SRRM2: variants seen among roughly 807,000 people sequenced by gnomAD.
The protein encoded by SRRM2 is serine/arginine repetitive matrix protein 2.
Under a neutral mutation model 213.8 loss-of-function variants are expected in SRRM2, and 30 were observed. The ratio of observed to expected loss-of-function variants is 0.14; its 90% confidence interval spans 0.10 to 0.19. The LOEUF (loss-of-function observed/expected upper bound fraction) is 0.19. Ranked by LOEUF, SRRM2 falls within the 10% of genes least tolerant of loss-of-function variation. The probability of loss-of-function intolerance (pLI) is 1.00; values close to 1 mark genes in which losing one functional copy is unlikely to be tolerated. For synonymous variants in SRRM2, 2,025 were observed against 1,377.7 expected, an observed-to-expected ratio of 1.47 and a Z score of -10.40; for missense variants, 4,904 against 3,647.0, an observed-to-expected ratio of 1.34 and a Z score of -8.88.
intron 4 of SRRM2, 30 bp from the exon 5 acceptor site, chr16:2,758,440 C>T (rs1230691555): frequency 7.7e-6 from 12 of 1,555,618 alleles, no homozygotes; most frequent in Non-Finnish European, 1.1e-5. Flanking sequence ...GTTCTACCAC[C>T]CATCTCTGCT....
chr16:2,769,047 C>T lies in SRRM2; in HGVS notation c.7784C>T (p.Pro2595Leu), dbSNP rs1014455830. Reference protein sequence around the residue: ...APKEAVREGRPPEPTPAKRKR... With the variant: ...APKEAVREGRLPEPTPAKRKR... ...AAGGAGGCTGTTCGAGAGGGACGTC[C>T]TCCGGAGCCAACCCCAGCCAAACGG... The change falls in exon 12 of 15, where the codon CCT becomes CTT. Residue 2595 changes from proline (P) to leucine (L), a missense_variant. By Grantham distance (98) the Pro-to-Leu change is moderately conservative. Coordinates refer to ENST00000301740, the MANE Select transcript of SRRM2 (RefSeq NM_016333.4). 3 of 1,614,024 alleles carry T rather than the reference C, an allele frequency of 1.9e-6. No homozygotes were observed. In the African/African-American group the frequency reaches 4.0e-5, roughly 22 times the overall value.
At position 2,756,453 on chromosome 16, in the gene SRRM2, G is replaced by T; in HGVS notation, c.89G>T (p.Arg30Leu). 2 of 1,613,264 alleles carry T rather than the reference G, an allele frequency of 1.2e-6. No individual in the cohort carries two copies. The highest frequency in any genetic ancestry group is 1.7e-6 in the Non-Finnish European group (2 of 1,179,708). ...QRNLSLVRGR[R>L]GERPDYKGEE... is the part of the protein sequence containing the mutation. ...AACCTGTCCCTGGTGCGGGGCCGCCGGGGTGAGCGGCCTGACTACAAGGGA... is the reference window on the plus strand; with the variant it reads ...AACCTGTCCCTGGTGCGGGGCCGCCTGGGTGAGCGGCCTGACTACAAGGGA... Residue 30 changes from arginine to leucine, a missense_variant, in exon 2 of 15, where the codon CGG (arginine) becomes CTG (leucine). Coordinates refer to ENST00000301740, the MANE Select transcript of SRRM2 (RefSeq NM_016333.4).
intron 5 of SRRM2, 26 bp from the exon 6 acceptor site, chr16:2,758,959 G>T: frequency 6.2e-7 from 1 of 1,613,736 alleles, no homozygotes; most frequent in South Asian, 1.1e-5. Flanking sequence ...CAAGCAGGAT[G>T]AGCTTGCTTT....
rs139501890 is a variant in SRRM2 at position 2,767,980 on chromosome 16, G to A, written c.7452G>A (p.Thr2484=). 402 of 1,614,148 alleles carry A rather than the reference G, an allele frequency of 2.5e-4. 1 individual carries two copies. The highest frequency in any genetic ancestry group is 2.1e-3 in the South Asian group (189 of 91,078). The change falls in exon 11 of 15, where the codon ACG becomes ACA. Residue 2484 remains threonine (T), a synonymous_variant. Transcript: ENST00000301740. ...CCTCTGGGGCAGTGGCAACGACCAC[G>A]TCCTCTGCTGGTGATCACAATGGCA... The part of the protein sequence containing the change: ...SLSSGAVATT[T]SSAGDHNGML...
chr16:2,760,208 T>G, intron 9 of SRRM2, 93 bp from the exon 10 acceptor site: 1 of 1,287,980 alleles, frequency 7.8e-7, no homozygotes, highest in South Asian at 1.3e-5. Context: ...GTTGTCCAGT[T>G]AGGAAAGGTG....
rs774262246 is a variant in SRRM2 at position 2,760,377 on chromosome 16, G to T, written c.910G>T (p.Gly304Trp). Residue 304 changes from glycine (G) to tryptophan (W), a missense_variant, in exon 10 of 15, where the codon GGG (glycine) becomes TGG (tryptophan). By Grantham distance (184) the Gly-to-Trp change is radical. Coordinates refer to ENST00000301740, the MANE Select transcript of SRRM2 (RefSeq NM_016333.4). ...RSPSPASGRR[G>W]EGDAPFSEPG... ...TCCTTCCCCTGCTTCAGGGCGACGC[G>T]GGGAGGGAGATGCGCCTTTCAGTGA... is the stretch of plus-strand genomic sequence containing the variant. 50 of 1,613,950 alleles carry T rather than the reference G, an allele frequency of 3.1e-5. No homozygotes were observed. The Admixed American group carries it at 8.0e-4, about 26-fold the overall frequency.
chr16:2,762,687 G>A lies in SRRM2; in HGVS notation c.2159G>A (p.Arg720Lys). ...RGRSHSRTPQRRGRSGSSSER... is the reference protein window; with the variant it reads ...RGRSHSRTPQKRGRSGSSSER... ...AGATCTCACTCTAGAACACCTCAAA[G>A]AAGAGGCAGATCTGGCTCATCTTCA... is the stretch of plus-strand genomic sequence containing the variant. The change falls in exon 11 of 15, where the codon AGA becomes AAA. Residue 720 changes from arginine to lysine, a missense_variant. Coordinates refer to ENST00000301740, the MANE Select transcript of SRRM2 (RefSeq NM_016333.4). 1.2e-6 allele frequency: 2 copies of A among 1,614,190 alleles called. No homozygotes were observed. The highest frequency in any genetic ancestry group is 8.5e-7 in the Non-Finnish European group (1 of 1,180,034).
chr16:2,762,862 C>T lies in SRRM2; in HGVS notation c.2334C>T (p.Ser778=). 1 of 1,614,190 alleles carries T rather than the reference C, an allele frequency of 6.2e-7. No individual in the cohort carries two copies. Among genetic ancestry groups the T allele is most frequent in the South Asian group, 1.1e-5 (1 of 91,080 alleles). Residue 778 remains serine (S), a synonymous_variant, in exon 11 of 15, where the codon AGC becomes AGT. Coordinates refer to ENST00000301740, the MANE Select transcript of SRRM2 (RefSeq NM_016333.4). ...AATCTCGCTTGTCTTTGAGGCGCAG[C>T]CTTTCAGGGTCTTCCCCATGCCCTA... The part of the protein sequence containing the change: ...KAKSRLSLRR[S]LSGSSPCPKQ...
chr16:2,759,622 C>T lies in SRRM2; in HGVS notation c.794C>T (p.Ser265Phe), dbSNP rs1043274344. The change falls in exon 9 of 15, where the codon TCT (serine) becomes TTT (phenylalanine). Residue 265 changes from serine (S) to phenylalanine (F), a missense_variant. By Grantham distance (155) the Ser-to-Phe change is radical. Transcript: ENST00000301740. ...AGCCGCCGGGCCCACCGTTCAACTT[C>T]TGCTGACTCTGCTTCCTCCTCCGAT... Reference protein sequence around the residue: ...PKSRRAHRSTSADSASSSDTS... With the variant: ...PKSRRAHRSTFADSASSSDTS... 1 of 1,612,382 alleles carries T rather than the reference C, an allele frequency of 6.2e-7. No homozygotes were observed. The highest frequency in any genetic ancestry group is 8.5e-7 in the Non-Finnish European group (1 of 1,179,808).
chr16:2,769,941 G>A, intron 12 of SRRM2: 2 of 440,916 alleles, frequency 4.5e-6, no homozygotes, highest in South Asian at 1.7e-5. Context: ...TTCCTTGTCC[G>A]CCTGGTGAAC....
rs1425580973 is a variant in SRRM2 at position 2,765,427 on chromosome 16, C to T, written c.4899C>T (p.Pro1633=). The T allele has an allele frequency of 6.2e-7, 1 of 1,614,148 alleles. No homozygotes were observed. The highest frequency in any genetic ancestry group is 8.5e-7 in the Non-Finnish European group (1 of 1,180,024). The part of the protein sequence containing the change: ...EPKAPAPRAL[P]RRSRSGSSSK... The stretch of plus-strand genomic sequence containing the variant: ...AAGCTCCAGCCCCTCGGGCCCTTCC[C>T]AGACGAAGCAGATCAGGTTCATCAA... The change falls in exon 11 of 15, where the codon CCC becomes CCT. Residue 1633 remains proline, a synonymous_variant. Transcript: ENST00000301740.
Position 2,768,168 on chromosome 16 carries a change from C to T in SRRM2, c.7640C>T (p.Ser2547Leu), listed in dbSNP as rs1357916820. 17 of 1,613,108 alleles carry T rather than the reference C, an allele frequency of 1.1e-5. No homozygotes were observed. In the Admixed American group the frequency reaches 2.3e-4, roughly 22 times the overall value. ...SSSSSSSSSSSSSSSSSSSSG... is the reference protein window; with the variant it reads ...SSSSSSSSSSLSSSSSSSSSG... ...TCCTCTAGCTCCTCCTCTTCTTCATCATCGTCGTCGTCGTCCTCCTCCTCC... is the reference window on the plus strand; with the variant it reads ...TCCTCTAGCTCCTCCTCTTCTTCATTATCGTCGTCGTCGTCCTCCTCCTCC... Residue 2547 changes from serine (S) to leucine (L), a missense_variant, in exon 11 of 15, where the codon TCA becomes TTA. Transcript: ENST00000301740.
chr16:2,764,777 G>C lies in SRRM2; in HGVS notation c.4249G>C (p.Glu1417Gln). Residue 1417 changes from glutamate (E) to glutamine (Q), a missense_variant, in exon 11 of 15, where the codon GAA becomes CAA. Glu to Gln is a conservative substitution (Grantham distance 29). Transcript: ENST00000301740. ...LDAVPRTPSRERSSSASSPEM... is the reference protein window; with the variant it reads ...LDAVPRTPSRQRSSSASSPEM... ...TGCTGTACCCAGAACACCCTCGAGA[G>C]AAAGAAGTAGTTCTGCATCTTCTCC... 3.1e-6 allele frequency: 5 copies of C among 1,614,186 alleles called. No individual in the cohort carries two copies. The highest frequency in any genetic ancestry group is 4.2e-6 in the Non-Finnish European group (5 of 1,180,030).
rs1208982596 is a variant in SRRM2, at chr16:2,769,011, C to A, written c.7748C>A (p.Thr2583Asn). Residue 2583 changes from threonine (T) to asparagine (N), a missense_variant, in exon 12 of 15, where the codon ACC (threonine) becomes AAC (asparagine). Coordinates refer to ENST00000301740, the MANE Select transcript of SRRM2 (RefSeq NM_016333.4). Reference protein sequence around the residue: ...EVALKRVPSPTPAPKEAVREG... With the variant: ...EVALKRVPSPNPAPKEAVREG... ...TCCTCCCACAGGGTCCCCAGCCCCA[C>A]CCCAGCCCCAAAGGAGGCTGTTCGA... 6.2e-7 allele frequency: 1 copy of A among 1,613,782 alleles called. No individual in the cohort carries two copies. Among genetic ancestry groups the A allele is most frequent in the South Asian group, 1.1e-5 (1 of 91,042 alleles).
intron 1 of SRRM2, among the ~76,000 whole-genome samples, 183 bp from the exon 2 acceptor site, chr16:2,756,151 T>G (rs539695301): frequency 2.8e-4 from 43 of 152,228 alleles, no homozygotes; most frequent in Admixed American, 5.9e-4. Context: ...AAAGGAAATT[T>G]GGAAGGGCAA....
chr16:2,758,736 TCTG>T, intron 5 of SRRM2, 189 bp downstream of exon 5: 3 of 680,286 alleles, frequency 4.4e-6, no homozygotes, highest in Non-Finnish European at 7.4e-6. Context: ...AGTTTGCAGT[TCTG>T]CTAATTAAGA....
chr16:2,756,377 A>G lies in SRRM2; in HGVS notation c.13A>G (p.Ile5Val). The G allele has an allele frequency of 6.2e-7, 1 of 1,605,182 alleles. No homozygotes were observed. The highest frequency in any genetic ancestry group is 8.5e-7 in the Non-Finnish European group (1 of 1,177,400). Residue 5 changes from isoleucine to valine, a missense_variant, in exon 2 of 15, where the codon ATC becomes GTC. By Grantham distance (29) the Ile-to-Val change is conservative (BLOSUM62 3). Transcript: ENST00000301740. ...CGGGCACGGGGCCATGTACAACGGG[A>G]TCGGGCTGCCGACGCCCCGGGGCAG... The part of the protein sequence containing the change: MYNG[I>V]GLPTPRGSGT...
chr16:2,769,072 G>A lies in SRRM2; in HGVS notation c.7809G>A (p.Arg2603=). Residue 2603 remains arginine, a synonymous_variant, in exon 12 of 15, where the codon CGG becomes CGA. Transcript: ENST00000301740. The part of the protein sequence containing the change: ...GRPPEPTPAK[R]KRRSSSSSSS... ...CTCCGGAGCCAACCCCAGCCAAACG[G>A]AAGAGGCGCTCTAGCAGTTCCAGTT... 1 of 1,614,102 alleles carries A rather than the reference G, an allele frequency of 6.2e-7. No individual in the cohort carries two copies. Among genetic ancestry groups the A allele is most frequent in the Non-Finnish European group, 8.5e-7 (1 of 1,180,040 alleles).
chr16:2,755,497 G>A (rs895778755), intron 1 of SRRM2, among the ~76,000 whole-genome samples: 41 of 152,160 alleles, frequency 2.7e-4, no homozygotes, highest in Non-Finnish European at 5.9e-5. Context: ...ATAGAGCAGA[G>A]TTGAAAACAG....
Sources: gnomAD v4.1 joint callset for allele counts (sites outside exome capture counted in the v4.1 genomes callset) on GRCh38, gnomAD v4.1.1 for gene constraint, MANE v1.5 for transcripts, NCBI Gene and HGNC (gene_info 2026-07-23, HGNC 2026-07-21) for gene names.